TENM4: variants seen among roughly 807,000 people sequenced by gnomAD.
The protein encoded by TENM4 is teneurin transmembrane protein 4.
In TENM4, 82 loss-of-function variants were observed where a neutral mutation model predicts 243.3. That is an observed-to-expected ratio of 0.34 (90% confidence interval 0.28 to 0.40). The LOEUF is 0.40. Among genes scored for constraint, TENM4 ranks in the 10% least tolerant of loss-of-function variants. TENM4 has a pLI of 1.00. For synonymous variants in TENM4, 1,412 were observed against 1,456.3 expected (o/e 0.97, Z 0.69); for missense variants, 3,138 against 3,673.3 (o/e 0.85, Z 3.77).
intron 4 of TENM4, among the ~76,000 whole-genome samples, chr11:79,086,247 T>C (rs1860808926): frequency 6.6e-6 from 1 of 152,174 alleles, no homozygotes; most frequent in Non-Finnish European, 1.5e-5. Flanking sequence ...ACAGCTGTCA[T>C]ATAAAGAGGC....
intron 3 of TENM4, among the ~76,000 whole-genome samples, chr11:79,185,356 A>G (rs1863362709): frequency 1.3e-5 from 2 of 152,226 alleles, no homozygotes; most frequent in African/African-American, 4.8e-5. Flanking sequence ...AAAAACAGCA[A>G]CAACAAAAAC....
At chr11:79,177,502 A>T (rs778601529) in intron 3 of TENM4, among the ~76,000 whole-genome samples, 1 of 152,156 alleles carries the variant, frequency 6.6e-6, no homozygotes, top group Non-Finnish European at 1.5e-5. Context: ...AGGGATCAAG[A>T]ATAAACAGAC....
At chr11:78,725,458 C>T (rs1479340851) in intron 23 of TENM4, among the ~76,000 whole-genome samples, 4 of 152,176 alleles carry the variant, frequency 2.6e-5, no homozygotes, top group Admixed American at 6.5e-5. Context: ...TTAGTCCCTG[C>T]AGAGGCTTGA....
intron 6 of TENM4, among the ~76,000 whole-genome samples, chr11:78,986,072 A>G (rs1254784900): frequency 6.6e-6 from 1 of 152,212 alleles, no homozygotes; most frequent in Non-Finnish European, 1.5e-5. Flanking sequence ...ACTAGGAGCA[A>G]TTCCCTTTTT....
At chr11:79,344,945 T>A (rs1312251961) in intron 1 of TENM4, among the ~76,000 whole-genome samples, 1 of 152,224 alleles carries the variant, frequency 6.6e-6, no homozygotes, top group Non-Finnish European at 1.5e-5. Context: ...ATCGCTGCCA[T>A]CCAAAGCTTC....
rs185729111 is a variant in TENM4, at chr11:79,058,377, A to C, written c.493+6361T>G. Among the ~76,000 whole-genome samples, 765 of 152,122 alleles carry C rather than the reference A, an allele frequency of 5.0e-3. 3 individuals are homozygous for C. The highest frequency in any genetic ancestry group is 0.024 in the Middle Eastern group (7 of 294). ...GCTAACACAGTGAAACCCTGTCTCT[A>C]CTAAAAATACAAAAAAAATTAGCCA... is the stretch of plus-strand genomic sequence containing the variant. On this transcript the variant is annotated intron_variant, in intron 6 of 33. Transcript: ENST00000278550.
At chr11:79,006,763 C>T (rs2852255) in intron 6 of TENM4, among the ~76,000 whole-genome samples, 30,499 of 152,188 alleles carry the variant, frequency 0.2, 3,537 homozygotes, top group Non-Finnish European at 0.27. Context: ...GCACATAGAA[C>T]ATTGAATTTT....
At chr11:78,914,126 C>T (rs1301935838) in intron 6 of TENM4, among the ~76,000 whole-genome samples, 1 of 152,202 alleles carries the variant, frequency 6.6e-6, no homozygotes, top group Admixed American at 6.5e-5. Flanking sequence ...GAACTATTCC[C>T]AGCCTTGCCT....
chr11:79,171,662 A>C (rs1158777403), intron 3 of TENM4, among the ~76,000 whole-genome samples: 6 of 152,180 alleles, frequency 3.9e-5, no homozygotes, highest in Non-Finnish European at 7.4e-5. Context: ...ACAATCAGAC[A>C]GGGGGATTGG....
At chr11:78,887,110 A>C (rs188018135) in intron 9 of TENM4, among the ~76,000 whole-genome samples, 184 of 152,246 alleles carry the variant, frequency 1.2e-3, no homozygotes, top group Middle Eastern at 3.4e-3. Context: ...TTAGGTCCTC[A>C]ACTTGTCCTC....
chr11:78,918,832 G>A (rs1856381189), intron 6 of TENM4, among the ~76,000 whole-genome samples: 1 of 152,120 alleles, frequency 6.6e-6, no homozygotes, highest in Admixed American at 6.5e-5. Context: ...TTGTTTTTTG[G>A]AAGAAATAAA....
chr11:79,064,846 C>G lies in TENM4; in HGVS notation c.385G>C (p.Val129Leu), dbSNP rs922258177. The G allele has an allele frequency of 4.5e-6, 7 of 1,551,416 alleles. No individual in the cohort carries two copies. Among genetic ancestry groups the G allele is most frequent in the Non-Finnish European group, 6.1e-6 (7 of 1,146,976 alleles). The stretch of plus-strand genomic sequence containing the variant: ...CGTGTGCTCCGGCCCCACAGACGCA[C>G]GGGGTGCTCAGGGGACAGCACCGTG... ...ADTVLSPEHP[V>L]RLWGRSTRSG... Residue 129 changes from valine (V) to leucine (L), a missense_variant, in exon 6 of 34, where the codon GTG becomes CTG. Around this residue, in one of 2 missense-constraint regions of TENM4, gnomAD observed 671 missense variants for 614.1 expected, o/e 1.09. Transcript: ENST00000278550.
chr11:78,710,097 G>A (rs920369130), intron 26 of TENM4, among the ~76,000 whole-genome samples: 13 of 152,206 alleles, frequency 8.5e-5, no homozygotes, highest in African/African-American at 3.1e-4. Flanking sequence ...TTTCTCTGGG[G>A]AAGGCAGTGG....
intron 6 of TENM4, among the ~76,000 whole-genome samples, chr11:78,925,736 G>A (rs991707851): frequency 2.0e-5 from 3 of 151,998 alleles, no homozygotes; most frequent in African/African-American, 7.3e-5. Context: ...TCTTAGCCTG[G>A]CATTCAAGGT....
At chr11:79,436,053 A>T (rs1276754091) in intron 1 of TENM4, among the ~76,000 whole-genome samples, 2 of 152,126 alleles carry the variant, frequency 1.3e-5, no homozygotes, top group African/African-American at 4.8e-5. Context: ...GGGGCTGTTG[A>T]TTTCTCTGCC....
intron 3 of TENM4, among the ~76,000 whole-genome samples, chr11:79,183,961 A>G (rs1041062504): frequency 5.3e-5 from 8 of 152,216 alleles, no homozygotes; most frequent in Admixed American, 2.0e-4. Context: ...CCTCAATTTA[A>G]TTATAAAAGA....
At chr11:78,717,054 C>G (rs1859536679) in intron 25 of TENM4, among the ~76,000 whole-genome samples, 2 of 152,206 alleles carry the variant, frequency 1.3e-5, no homozygotes, top group Non-Finnish European at 2.9e-5. Flanking sequence ...CAGGGCTGGA[C>G]ACAGAGTAAG....
intron 27 of TENM4, among the ~76,000 whole-genome samples, chr11:78,705,890 C>T (rs1309662772): frequency 1.3e-5 from 2 of 152,144 alleles, no homozygotes; most frequent in African/African-American, 4.8e-5. Flanking sequence ...AGTTGTAAAG[C>T]TTAAATGAGA....
At chr11:79,152,785 G>T in intron 3 of TENM4, among the ~76,000 whole-genome samples, 1 of 152,192 alleles carries the variant, frequency 6.6e-6, no homozygotes, top group East Asian at 1.9e-4. Context: ...TGACTTCCTG[G>T]ACATAGCCTC....
Sources: allele counts gnomAD v4.1 joint callset (sites outside exome capture counted in the v4.1 genomes callset), GRCh38; gene constraint gnomAD v4.1.1; regional missense constraint gnomAD v4.1.1; transcripts MANE v1.5; gene names NCBI Gene and HGNC (gene_info 2026-07-23, HGNC 2026-07-21).